The following PRKN variants were observed in gnomAD, a reference collection of about 807,000 sequenced individuals.
PRKN encodes E3 ubiquitin-protein ligase parkin.
A neutral mutation model predicts 59.5 loss-of-function variants in PRKN; 56 were observed. That is an observed-to-expected ratio of 0.94 (90% CI 0.76 to 1.18). The LOEUF (loss-of-function observed/expected upper bound fraction) is 1.18. PRKN is among the 50% of genes most tolerant of loss of function. The pLI, the probability that PRKN is intolerant of heterozygous loss-of-function variation, is 0.00. For synonymous variants in PRKN, 250 were observed against 222.1 expected, an observed-to-expected ratio of 1.13 and a Z score of -1.12; for missense variants, 657 against 596.4, an observed-to-expected ratio of 1.10 and a Z score of -1.06.
intron 6 of PRKN, among the ~76,000 whole-genome samples, chr6:161,953,134 T>C (rs1341386289): frequency 1.3e-5 from 2 of 152,192 alleles, no homozygotes; most frequent in African/African-American, 4.8e-5. Context: ...TTTATTTAGA[T>C]GGAGTCTTGC....
chr6:162,619,559 C>T (rs546963163), intron 1 of PRKN, among the ~76,000 whole-genome samples: 3 of 152,202 alleles, frequency 2.0e-5, no homozygotes, highest in South Asian at 2.1e-4. Context: ...TTAACACATG[C>T]GTATTGGTGC....
intron 2 of PRKN, among the ~76,000 whole-genome samples, chr6:162,369,343 A>G (rs1785623303): frequency 6.6e-6 from 1 of 152,194 alleles, no homozygotes; most frequent in African/African-American, 2.4e-5. Context: ...CTAGCTAAGA[A>G]AACTCTAGTT....
chr6:162,149,775 T>C (rs1782185680), intron 4 of PRKN, among the ~76,000 whole-genome samples: 1 of 152,160 alleles, frequency 6.6e-6, no homozygotes, highest in African/African-American at 2.4e-5. Flanking sequence ...GGTGAGGGAC[T>C]GCAGCCGTCA....
At position 161,460,877 on chromosome 6, in the gene PRKN, G is replaced by A. The variant is rs1342206347; in HGVS notation, c.1084-74000C>T. On this transcript the variant is annotated intron_variant, in intron 9 of 11. Transcript: ENST00000366898. This position sits in a 1 kb window ranked among gnomAD's most constrained non-coding sequence, Gnocchi z 5.0. Reference sequence around the variant, plus strand: ...CAATTCTCCTGCCTCGGCCTCCCAAGTAGCTGGGACTACAGGTACGCACCA... The same window carrying A: ...CAATTCTCCTGCCTCGGCCTCCCAAATAGCTGGGACTACAGGTACGCACCA... 6.6e-6 allele frequency among the ~76,000 whole-genome samples: 1 copy of A among 151,514 alleles called. No homozygotes were observed. Among genetic ancestry groups the A allele is most frequent in the South Asian group, 2.1e-4 (1 of 4,792 alleles).
intron 1 of PRKN, among the ~76,000 whole-genome samples, chr6:162,684,520 C>A (rs565041354): frequency 6.6e-6 from 1 of 152,052 alleles, no homozygotes; most frequent in Non-Finnish European, 1.5e-5. Context: ...ACAATGTATC[C>A]ATTTAGAGAG....
intron 3 of PRKN, among the ~76,000 whole-genome samples, chr6:162,222,684 C>T (rs886988484): frequency 3.9e-5 from 6 of 152,096 alleles, no homozygotes; most frequent in African/African-American, 7.2e-5. Context: ...ACAATGTCTG[C>T]GGGTCAGACC....
intron 9 of PRKN, among the ~76,000 whole-genome samples, chr6:161,411,926 C>A (rs1456755559): frequency 1.3e-5 from 2 of 150,142 alleles, no homozygotes; most frequent in Non-Finnish European, 3.0e-5. Flanking sequence ...TCCACTCACT[C>A]ACTCCTCCCT....
At chr6:161,411,529 T>C (rs1216844057) in intron 9 of PRKN, among the ~76,000 whole-genome samples, 1 of 152,154 alleles carries the variant, frequency 6.6e-6, no homozygotes, top group Non-Finnish European at 1.5e-5. Context: ...AGTCAGAGAG[T>C]CTGGGGGCCA....
intron 7 of PRKN, among the ~76,000 whole-genome samples, chr6:161,674,183 T>G (rs1785008079): frequency 6.6e-6 from 1 of 151,918 alleles, no homozygotes; most frequent in Non-Finnish European, 1.5e-5. Flanking sequence ...GGGCTGGGAG[T>G]TAAAGAAGAA....
At chr6:161,944,671 T>C (rs1583385571) in intron 6 of PRKN, among the ~76,000 whole-genome samples, 1 of 152,212 alleles carries the variant, frequency 6.6e-6, no homozygotes, top group African/African-American at 2.4e-5. Context: ...AGACTTTTAT[T>C]TTATTATCTA....
intron 1 of PRKN, among the ~76,000 whole-genome samples, chr6:162,464,620 C>G (rs1425844332): frequency 6.8e-6 from 1 of 146,700 alleles, no homozygotes; most frequent in East Asian, 2.0e-4. Context: ...TCAAGACCAT[C>G]CTGGCTAACA....
At chr6:161,903,022 A>G (rs1237306832) in intron 6 of PRKN, among the ~76,000 whole-genome samples, 2 of 152,158 alleles carry the variant, frequency 1.3e-5, no homozygotes, top group Non-Finnish European at 2.9e-5. Flanking sequence ...TCTACTTAAC[A>G]AGTAAGGCAG....
rs1404846660 is a variant in PRKN, at chr6:161,357,816, A to G, written c.1285+2272T>C. 6.6e-6 allele frequency among the ~76,000 whole-genome samples: 1 copy of G among 152,196 alleles called. No individual in the cohort carries two copies. The highest frequency in any genetic ancestry group is 1.9e-4 in the East Asian group (1 of 5,196). ...CCATGCCTTCATAACCTTCATCCAC[A>G]CGAATCAGAGCACGTCTCACGGAGC... On this transcript the variant is annotated intron_variant, in intron 11 of 11. Transcript: ENST00000366898. The surrounding 1 kb of genome is among the most constrained non-coding windows in gnomAD (Gnocchi z 5.5).
chr6:162,304,232 C>A (rs1392348187), intron 2 of PRKN, among the ~76,000 whole-genome samples: 1 of 150,684 alleles, frequency 6.6e-6, no homozygotes, highest in African/African-American at 2.4e-5. Flanking sequence ...TTTGGCAGGA[C>A]TCATGACTCG....
intron 1 of PRKN, among the ~76,000 whole-genome samples, chr6:162,565,923 G>C (rs201080413): frequency 1.3e-5 from 2 of 152,048 alleles, no homozygotes; most frequent in East Asian, 3.9e-4. Flanking sequence ...AAAAATGGCA[G>C]GAGTTGCTAT....
chr6:161,552,137 G>C lies in PRKN; in HGVS notation c.934-3134C>G, dbSNP rs1780042367. On this transcript the variant is annotated intron_variant, in intron 8 of 11. Coordinates refer to ENST00000366898, the MANE Select transcript of PRKN (RefSeq NM_004562.3). This position sits in a 1 kb window ranked among gnomAD's most constrained non-coding sequence, Gnocchi z 4.9. ...GAATTTAAAGGAAAACTCGTGAGCA[G>C]AGTCTTCTGTTTCTCTGCACCAACA... Among the ~76,000 whole-genome samples the C allele has an allele frequency of 6.6e-6, 1 of 152,226 alleles. No individual in the cohort carries two copies. Among genetic ancestry groups the C allele is most frequent in the South Asian group, 2.1e-4 (1 of 4,832 alleles).
At chr6:162,246,904 C>A (rs1779221693) in intron 3 of PRKN, among the ~76,000 whole-genome samples, 1 of 152,022 alleles carries the variant, frequency 6.6e-6, no homozygotes, top group Non-Finnish European at 1.5e-5. Context: ...ATATAACTTG[C>A]AAACATGGAT....
At chr6:161,643,524 C>CT (rs1783816244) in intron 7 of PRKN, among the ~76,000 whole-genome samples, 1 of 152,146 alleles carries the variant, frequency 6.6e-6, no homozygotes, top group African/African-American at 2.4e-5. Flanking sequence ...AAATGGACAT[C>CT]TTTAACCAAA....
intron 2 of PRKN, among the ~76,000 whole-genome samples, chr6:162,292,045 C>A (rs1306915894): frequency 6.6e-6 from 1 of 151,576 alleles, no homozygotes; most frequent in Admixed American, 6.6e-5. Context: ...CTCACTGCCA[C>A]CTCTGCCTCC....
Sources: allele counts gnomAD v4.1 joint callset (sites outside exome capture counted in the v4.1 genomes callset), GRCh38; gene constraint gnomAD v4.1.1; non-coding constraint Gnocchi (gnomAD v3.1); transcripts MANE v1.5; gene names NCBI Gene and HGNC (gene_info 2026-07-23, HGNC 2026-07-21).